Variants in ASIC2 observed in about 807,000 individuals in gnomAD.
The protein encoded by ASIC2 is acid sensing ion channel subunit 2.
ASIC2 carries 25 observed loss-of-function variants against 57.3 expected under a neutral mutation model. That is an observed-to-expected ratio of 0.44 (90% CI 0.32 to 0.61). The LOEUF (loss-of-function observed/expected upper bound fraction) is 0.61, where lower values mean the gene tolerates loss of function less well. ASIC2 is among the 20% of genes least tolerant of loss of function. The probability of loss-of-function intolerance (pLI) is 0.06; values close to 1 mark genes in which losing one functional copy is unlikely to be tolerated. For synonymous variants in ASIC2, 319 were observed against 307.5 expected (o/e 1.04, Z -0.39); for missense variants, 641 against 738.1 (o/e 0.87, Z 1.52).
intron 1 of ASIC2, among the ~76,000 whole-genome samples, chr17:33,665,030 A>G (rs1395964485): frequency 1.3e-5 from 2 of 151,914 alleles, no homozygotes; most frequent in Non-Finnish European, 2.9e-5. Context: ...TGTTTTGTCA[A>G]TAAAAATTTT....
intron 1 of ASIC2, among the ~76,000 whole-genome samples, chr17:33,853,263 C>T (rs1362272480): frequency 1.3e-5 from 2 of 152,098 alleles, no homozygotes; most frequent in African/African-American, 4.8e-5. Context: ...AGTAGAGGAC[C>T]TCTGTGTAGA....
At chr17:33,799,434 C>CTTA (rs1912047252) in intron 1 of ASIC2, among the ~76,000 whole-genome samples, 7 of 31,128 alleles carry the variant, frequency 2.2e-4, no homozygotes, top group African/African-American at 7.6e-4. Context: ...TTTCTTCTTT[C>CTTA]TTTCTTTCTT....
intron 1 of ASIC2, among the ~76,000 whole-genome samples, chr17:33,435,413 C>T (rs1045797682): frequency 6.6e-6 from 1 of 152,200 alleles, no homozygotes; most frequent in African/African-American, 2.4e-5. Context: ...AAAGCATCCA[C>T]TAGCCAAAGA....
At chr17:33,441,363 T>C (rs1328096342) in intron 1 of ASIC2, among the ~76,000 whole-genome samples, 1 of 152,222 alleles carries the variant, frequency 6.6e-6, no homozygotes, top group African/African-American at 2.4e-5. Flanking sequence ...ATCTTTTCAG[T>C]GTTATACCTA....
At chr17:33,868,480 A>G (rs1914304482) in intron 1 of ASIC2, among the ~76,000 whole-genome samples, 1 of 132,126 alleles carries the variant, frequency 7.6e-6, no homozygotes, top group Non-Finnish European at 1.6e-5. Context: ...TTAAAATGTA[A>G]CAGCTAAAAA....
rs1905597656 is a variant in ASIC2 at position 33,616,247 on chromosome 17, A to C, written c.556-504180T>G. Among the ~76,000 whole-genome samples, 6 of 102,418 alleles carry C rather than the reference A, an allele frequency of 5.9e-5. No homozygotes were observed. In the Admixed American group the frequency reaches 9.5e-4, roughly 16 times the overall value. The allele number at this position is 102,418 out of a possible 152,430, so 67.2% of individuals were successfully genotyped here. ...TTCTCCTTCTTCTTCCAAATGAGAA[A>C]GTATTTGGGGGTGGGTGGGGGGGTG... On this transcript the variant is annotated intron_variant, in intron 1 of 9. Transcript: ENST00000359872.
chr17:33,979,233 C>T (rs317331), intron 1 of ASIC2, among the ~76,000 whole-genome samples: 23,691 of 152,102 alleles, frequency 0.16, 2,359 homozygotes, highest in Non-Finnish European at 0.22. Flanking sequence ...CTTGGGGGCA[C>T]AAGAGTGACC....
intron 5 of ASIC2, among the ~76,000 whole-genome samples, chr17:33,024,815 G>T (rs1429096760): frequency 6.6e-6 from 1 of 152,134 alleles, no homozygotes; most frequent in Non-Finnish European, 1.5e-5. Context: ...TCCATCTACT[G>T]AGTCCTCGCT....
At chr17:34,014,310 C>T (rs1242395243) in intron 1 of ASIC2, among the ~76,000 whole-genome samples, 7 of 152,166 alleles carry the variant, frequency 4.6e-5, no homozygotes, top group Admixed American at 4.6e-4. Context: ...TGGCAAGGCT[C>T]CAGATGTGAA....
chr17:33,172,438 G>A (rs1905558810), intron 1 of ASIC2, among the ~76,000 whole-genome samples: 1 of 152,182 alleles, frequency 6.6e-6, no homozygotes, highest in South Asian at 2.1e-4. Flanking sequence ...AAAACATGGT[G>A]GGAATGGCAG....
At chr17:33,847,184 A>G (rs1481034258) in intron 1 of ASIC2, among the ~76,000 whole-genome samples, 2 of 151,622 alleles carry the variant, frequency 1.3e-5, no homozygotes, top group African/African-American at 4.9e-5. Flanking sequence ...GAGGAGCCTT[A>G]CAGGAGAAAG....
chr17:33,345,460 G>A (rs955462209), intron 1 of ASIC2, among the ~76,000 whole-genome samples: 1 of 152,156 alleles, frequency 6.6e-6, no homozygotes, highest in East Asian at 1.9e-4. Context: ...CTTGGAGGCT[G>A]GGCTCCCTTA....
chr17:33,827,270 GACA>G (rs1912951010), intron 1 of ASIC2, among the ~76,000 whole-genome samples: 1 of 150,090 alleles, frequency 6.7e-6, no homozygotes, highest in African/African-American at 2.4e-5. Flanking sequence ...GGGAGACAAA[GACA>G]ACATGTTTCC....
chr17:33,204,751 A>G (rs1906998515), intron 1 of ASIC2, among the ~76,000 whole-genome samples: 1 of 152,262 alleles, frequency 6.6e-6, no homozygotes, highest in Non-Finnish European at 1.5e-5. Context: ...GAACATGTAC[A>G]TGTCCACTAT....
intron 1 of ASIC2, among the ~76,000 whole-genome samples, chr17:33,953,895 A>AT (rs1904656516): frequency 6.6e-6 from 1 of 152,162 alleles, no homozygotes; most frequent in African/African-American, 2.4e-5. Context: ...AGAGCTCTGA[A>AT]TGTGAGGCTT....
intron 1 of ASIC2, among the ~76,000 whole-genome samples, chr17:34,148,895 G>A (rs1379786069): frequency 6.6e-6 from 1 of 152,148 alleles, no homozygotes; most frequent in Non-Finnish European, 1.5e-5. Flanking sequence ...CAAGAAGAGA[G>A]CAAGCTAACA....
chr17:33,549,984 A>G (rs769482486), intron 1 of ASIC2, among the ~76,000 whole-genome samples: 39 of 152,254 alleles, frequency 2.6e-4, no homozygotes, highest in Non-Finnish European at 4.0e-4. Flanking sequence ...CACCTCCAGC[A>G]TTTTGCCAGA....
chr17:33,412,630 G>C (rs1910703513), intron 1 of ASIC2, among the ~76,000 whole-genome samples: 1 of 152,168 alleles, frequency 6.6e-6, no homozygotes. Flanking sequence ...AATGTTCTCT[G>C]TTTTTTCTGT....
intron 1 of ASIC2, among the ~76,000 whole-genome samples, chr17:33,987,541 G>T (rs1319545684): frequency 1.3e-5 from 2 of 152,306 alleles, no homozygotes; most frequent in East Asian, 1.9e-4. Context: ...AACCTGAGAT[G>T]CAGAGGAGAT....
Sources: allele counts gnomAD v4.1 joint callset (sites outside exome capture counted in the v4.1 genomes callset), GRCh38; gene constraint gnomAD v4.1.1; transcripts MANE v1.5; gene names NCBI Gene and HGNC (gene_info 2026-07-23, HGNC 2026-07-21).